The following SYT17 variants were observed in gnomAD, a reference collection of about 807,000 sequenced individuals.
SYT17 encodes the protein synaptotagmin 17.
SYT17 carries 22 observed loss-of-function variants against 46.7 expected under a neutral mutation model. The ratio of observed to expected loss-of-function variants is 0.47; its 90% CI spans 0.34 to 0.67. The LOEUF is 0.67. Ranked by LOEUF, SYT17 falls within the 30% of genes least tolerant of loss-of-function variation. The probability of loss-of-function intolerance (pLI) is 0.01; values close to 1 mark genes in which losing one functional copy is unlikely to be tolerated. For synonymous variants in SYT17, 251 were observed against 248.4 expected (o/e 1.01, Z -0.10); for missense variants, 519 against 612.8 (o/e 0.85, Z 1.62).
chr16:19,241,816 T>C (rs1375861148), intron 7 of SYT17, among the ~76,000 whole-genome samples: 1 of 152,012 alleles, frequency 6.6e-6, no homozygotes, highest in Non-Finnish European at 1.5e-5. Context: ...CATCCAGTCA[T>C]ACAAGGGTGG....
At chr16:19,229,475 A>G (rs899848310) in intron 7 of SYT17, among the ~76,000 whole-genome samples, 2 of 152,252 alleles carry the variant, frequency 1.3e-5, no homozygotes, top group East Asian at 1.9e-4. Flanking sequence ...CACTCACTAT[A>G]TAGTACCAAG....
At position 19,224,899 on chromosome 16, in the gene SYT17, G is replaced by C; in HGVS notation, c.1228+61G>C. 3.8e-6 allele frequency: 6 copies of C among 1,578,168 alleles called. No individual in the cohort carries two copies. The South Asian group carries it at 6.7e-5, about 18-fold the overall frequency. On this transcript the variant is annotated intron_variant, in intron 7 of 7. Coordinates refer to ENST00000355377, the MANE Select transcript of SYT17 (RefSeq NM_016524.4). ...GAGGCACGTCAAACTTACTGTCCTA[G>C]AGCCAGAAGGCATCTAGAGAGAGTT...
At chr16:19,235,755 T>C (rs912547844) in intron 7 of SYT17, among the ~76,000 whole-genome samples, 5 of 152,030 alleles carry the variant, frequency 3.3e-5, no homozygotes, top group African/African-American at 1.2e-4. Context: ...GATATTAGAA[T>C]TACGTGGAAA....
chr16:19,250,677 A>G (rs1967994573), intron 7 of SYT17, among the ~76,000 whole-genome samples: 1 of 152,060 alleles, frequency 6.6e-6, no homozygotes, highest in Non-Finnish European at 1.5e-5. Context: ...AGCCTCCCAC[A>G]GTGCTGGGAT....
chr16:19,173,202 G>A (rs573276749), intron 2 of SYT17: 16 of 556,048 alleles, frequency 2.9e-5, no homozygotes, highest in Admixed American at 1.0e-4. Context: ...TGCTACTAAC[G>A]GCTCCAGCGA....
intron 5 of SYT17, among the ~76,000 whole-genome samples, chr16:19,207,790 C>T (rs1171970935): frequency 6.6e-6 from 1 of 152,006 alleles, no homozygotes; most frequent in African/African-American, 2.4e-5. Context: ...ACCTGTAATC[C>T]TTGGGGAGGC....
At chr16:19,250,134 T>A in intron 7 of SYT17, 1 of 1,432,366 alleles carries the variant, frequency 7.0e-7, no homozygotes, top group Non-Finnish European at 9.1e-7. Flanking sequence ...ACATTTTATT[T>A]AAAAATTTTT....
intron 7 of SYT17, among the ~76,000 whole-genome samples, chr16:19,247,854 A>G (rs868706743): frequency 5.6e-4 from 86 of 152,330 alleles, no homozygotes; most frequent in Middle Eastern, 3.4e-3. Context: ...TATTTTTGCA[A>G]TGAGTGAAAA....
chr16:19,216,319 C>T (rs1401368373), intron 5 of SYT17, among the ~76,000 whole-genome samples: 1 of 151,992 alleles, frequency 6.6e-6, no homozygotes, highest in Non-Finnish European at 1.5e-5. Flanking sequence ...ATAGATTGTG[C>T]TTCAGTCTGT....
chr16:19,224,880 C>T lies in SYT17; in HGVS notation c.1228+42C>T, dbSNP rs76985031. ...AACCCGATGAACTCCAGGTGAGGCACGTCAAACTTACTGTCCTAGAGCCAG... is the reference window on the plus strand; with the variant it reads ...AACCCGATGAACTCCAGGTGAGGCATGTCAAACTTACTGTCCTAGAGCCAG... On this transcript the variant is annotated intron_variant, in intron 7 of 7. Transcript: ENST00000355377. 6.8e-3 allele frequency: 10,888 copies of T among 1,608,390 alleles called. 55 individuals are homozygous for T. The highest frequency in any genetic ancestry group is 8.3e-3 in the Non-Finnish European group (9,767 of 1,175,910).
chr16:19,268,332 G>A lies in SYT17; in HGVS notation c.*1256G>A, dbSNP rs1389971334. 6.6e-6 allele frequency: 1 copy of A among 152,178 alleles called. No individual in the cohort carries two copies. The highest frequency in any genetic ancestry group is 1.5e-5 in the Non-Finnish European group (1 of 68,036). 9.4% of individuals were successfully genotyped at this position (152,178 alleles called of 1,614,324 possible). Reference sequence around the variant, plus strand: ...ATTAAAGATTATTTATTTGTGCCATGCATTCGAGTTATCTTTTTCTTCATG... The same window carrying A: ...ATTAAAGATTATTTATTTGTGCCATACATTCGAGTTATCTTTTTCTTCATG... On this transcript the variant is annotated 3_prime_UTR_variant, in exon 8 of 8. Coordinates refer to ENST00000355377, the MANE Select transcript of SYT17 (RefSeq NM_016524.4).
chr16:19,236,713 C>T lies in SYT17; in HGVS notation c.1228+11875C>T, dbSNP rs377476031. Among the ~76,000 whole-genome samples the T allele has an allele frequency of 2.8e-4, 42 of 152,256 alleles. No homozygotes were observed. In the South Asian group the frequency reaches 3.7e-3, roughly 14 times the overall value. On this transcript the variant is annotated intron_variant, in intron 7 of 7. Transcript: ENST00000355377. ...AACTCTGAGACTCTAGTCATCTGTC[C>T]GCCTTGTGAGTCACAAACAGCATTA...
In SYT17 at chr16:19,190,198, C is replaced by T. The variant is rs1048610590; in HGVS notation, c.951+6051C>T. Among the ~76,000 whole-genome samples the T allele has an allele frequency of 6.6e-5, 10 of 152,090 alleles. No individual in the cohort carries two copies. The East Asian group carries it at 7.7e-4, about 12-fold the overall frequency. On this transcript the variant is annotated intron_variant, in intron 5 of 7. Transcript: ENST00000355377. ...ATTATTAGCTAACATGGTGAAACCC[C>T]GTCTCTACTAAAAATACAAAAAATT...
At chr16:19,258,378 C>A (rs548305983) in intron 7 of SYT17, among the ~76,000 whole-genome samples, 20 of 152,168 alleles carry the variant, frequency 1.3e-4, no homozygotes, top group African/African-American at 4.8e-4. Context: ...CGGTGGCTCA[C>A]GTCTGTAACC....
intron 7 of SYT17, among the ~76,000 whole-genome samples, chr16:19,230,982 C>G (rs917822407): frequency 1.1e-4 from 16 of 152,094 alleles, no homozygotes; most frequent in African/African-American, 3.9e-4. Flanking sequence ...TGAAGAAAGG[C>G]TACATATATA....
chr16:19,250,694 C>T (rs543747810), intron 7 of SYT17, among the ~76,000 whole-genome samples: 7 of 150,726 alleles, frequency 4.6e-5, no homozygotes, highest in African/African-American at 9.7e-5. Context: ...GGATTACAGG[C>T]GTGAACCACC....
chr16:19,192,948 CT>C (rs1965084960), intron 5 of SYT17, among the ~76,000 whole-genome samples: 1 of 152,162 alleles, frequency 6.6e-6, no homozygotes, highest in South Asian at 2.1e-4. Flanking sequence ...TGAATCTGCA[CT>C]TGAGCCAATG....
chr16:19,240,298 C>T (rs766114013), intron 7 of SYT17, among the ~76,000 whole-genome samples: 2 of 151,288 alleles, frequency 1.3e-5, no homozygotes, highest in East Asian at 3.9e-4. Flanking sequence ...GTGAGCAAGA[C>T]GAAGAGGAGC....
At chr16:19,203,441 C>T (rs969417779) in intron 5 of SYT17, among the ~76,000 whole-genome samples, 1 of 152,152 alleles carries the variant, frequency 6.6e-6, no homozygotes, top group African/African-American at 2.4e-5. Flanking sequence ...TCGAAGGGCC[C>T]TTTGAGAACT....
Sources: gnomAD v4.1 joint callset for allele counts (sites outside exome capture counted in the v4.1 genomes callset) on GRCh38, gnomAD v4.1.1 for gene constraint, MANE v1.5 for transcripts, NCBI Gene and HGNC (gene_info 2026-07-23, HGNC 2026-07-21) for gene names.